Variants in PCDHGB4 observed in about 807,000 individuals in gnomAD.
The protein encoded by PCDHGB4 is protocadherin gamma subfamily B, 4, also known as protocadherin gamma-B4.
A neutral mutation model predicts 60.5 loss-of-function variants in PCDHGB4; 38 were observed. The ratio of observed to expected loss-of-function variants is 0.63; its 90% CI spans 0.48 to 0.82. The LOEUF (loss-of-function observed/expected upper bound fraction) is 0.82. Among genes scored for constraint, PCDHGB4 ranks in the 40% least tolerant of loss-of-function variants. The pLI is 0.00. For synonymous variants in PCDHGB4, 456 were observed against 509.7 expected, an observed-to-expected ratio of 0.89 and a Z score of 1.42; for missense variants, 1,109 against 1,209.6, an observed-to-expected ratio of 0.92 and a Z score of 1.23.
chr5:141,404,934 C>G, intron 1 of PCDHGB4: 1 of 1,613,986 alleles, frequency 6.2e-7, no homozygotes. Context: ...GTCACGCTCA[C>G]AGTAGCCATA....
intron 1 of PCDHGB4, chr5:141,393,809 A>G (rs566306926): frequency 1.9e-6 from 3 of 1,613,982 alleles, no homozygotes; most frequent in African/African-American, 1.3e-5. Context: ...GGAGGACCAA[A>G]TTGCTCATTT....
At chr5:141,428,187 C>G in intron 1 of PCDHGB4, 3 of 1,439,502 alleles carry the variant, frequency 2.1e-6, no homozygotes, top group South Asian at 1.2e-5. Flanking sequence ...GGACAGCCGC[C>G]GCTCTCTGCG....
At chr5:141,427,693 C>G in intron 1 of PCDHGB4, 1 of 909,726 alleles carries the variant, frequency 1.1e-6, no homozygotes, top group Non-Finnish European at 1.8e-6. Flanking sequence ...GCCTCCATCC[C>G]ACAAGTCAGC....
intron 2 of PCDHGB4, among the ~76,000 whole-genome samples, chr5:141,502,048 ACTTTATTCC>A (rs1055762924): frequency 6.6e-5 from 10 of 151,746 alleles, no homozygotes; most frequent in African/African-American, 2.4e-4. Context: ...TGCTCTCCCT[ACTTTATTCC>A]CATTAGCCCC....
intron 1 of PCDHGB4, chr5:141,426,835 C>G (rs1038394702): frequency 6.6e-6 from 3 of 456,576 alleles, no homozygotes; most frequent in Non-Finnish European, 1.3e-5. Flanking sequence ...ATGGACAAGA[C>G]TAAAGGCAAG....
intron 1 of PCDHGB4, chr5:141,393,188 T>C: frequency 6.2e-7 from 1 of 1,613,358 alleles, no homozygotes; most frequent in South Asian, 1.1e-5. Context: ...AAATAATTGA[T>C]ATTAACGATA....
intron 1 of PCDHGB4, chr5:141,417,639 C>G: frequency 1.3e-6 from 1 of 745,670 alleles, no homozygotes; most frequent in Non-Finnish European, 2.1e-6. Flanking sequence ...CGCCGGGGAT[C>G]CCTCAGCCTC....
In PCDHGB4 at chr5:141,489,576, C is replaced by T; in HGVS notation, c.2398-5231C>T. 1.9e-6 allele frequency: 3 copies of T among 1,614,054 alleles called. No individual in the cohort carries two copies. Among genetic ancestry groups the T allele is most frequent in the Non-Finnish European group, 2.5e-6 (3 of 1,179,976 alleles). Reference sequence around the variant, plus strand: ...TGCCAGTGCAGGTGGTGACTGAACACCCCCTGGAGCTAATCCGTGTAGAGG... The same window carrying T: ...TGCCAGTGCAGGTGGTGACTGAACATCCCCTGGAGCTAATCCGTGTAGAGG... On this transcript the variant is annotated intron_variant, in intron 1 of 3. Coordinates refer to ENST00000519479, the MANE Select transcript of PCDHGB4 (RefSeq NM_003736.4). This position sits in a 1 kb window ranked among gnomAD's most constrained non-coding sequence, Gnocchi z 4.5.
At chr5:141,449,723 GA>G (rs1432635918) in intron 1 of PCDHGB4, among the ~76,000 whole-genome samples, 2 of 150,880 alleles carry the variant, frequency 1.3e-5, no homozygotes, top group Admixed American at 6.6e-5. Flanking sequence ...TATATGATAT[GA>G]TTTTTTTATG....
chr5:141,426,491 G>A, intron 1 of PCDHGB4: 1 of 336,822 alleles, frequency 3.0e-6, no homozygotes, highest in South Asian at 2.4e-5. Flanking sequence ...CTTAGAGTTA[G>A]TGCAGAGAAA....
rs558972594 is a variant in PCDHGB4 at position 141,485,292 on chromosome 5, A to G, written c.2398-9515A>G. ...CGCTACCCGGTCCCAGAGGAGTCAC[A>G]GGAAGGGACTTTTGTAGGGAATGTC... On this transcript the variant is annotated intron_variant, in intron 1 of 3. Coordinates refer to ENST00000519479, the MANE Select transcript of PCDHGB4 (RefSeq NM_003736.4). The surrounding 1 kb of genome is among the most constrained non-coding windows in gnomAD (Gnocchi z 5.7). 1 of 1,614,120 alleles carries G rather than the reference A, an allele frequency of 6.2e-7. No individual in the cohort carries two copies. Among genetic ancestry groups the G allele is most frequent in the African/African-American group, 1.3e-5 (1 of 75,058 alleles).
chr5:141,439,390 C>T (rs528547728), intron 1 of PCDHGB4, among the ~76,000 whole-genome samples: 1 of 152,266 alleles, frequency 6.6e-6, no homozygotes, highest in South Asian at 2.1e-4. Flanking sequence ...GTCATCACTT[C>T]GACTTCATGT....
At chr5:141,483,385 G>C (rs1166547027) in intron 1 of PCDHGB4, among the ~76,000 whole-genome samples, 1 of 152,160 alleles carries the variant, frequency 6.6e-6, no homozygotes, top group Non-Finnish European at 1.5e-5. Context: ...AGAGAAGATT[G>C]ATAAATGCTT....
chr5:141,471,630 G>T (rs2099261496), intron 1 of PCDHGB4: 1 of 152,108 alleles, frequency 6.6e-6, no homozygotes, highest in African/African-American at 2.4e-5. Context: ...GCATTGGTAT[G>T]GATTAGTAAT....
At chr5:141,427,845 G>C in intron 1 of PCDHGB4, 1 of 1,550,582 alleles carries the variant, frequency 6.4e-7, no homozygotes, top group Non-Finnish European at 8.8e-7. Context: ...CTTCGACCAC[G>C]AGCAGCTGTG....
chr5:141,407,599 AAAG>A (rs1328416590), intron 1 of PCDHGB4, among the ~76,000 whole-genome samples: 13 of 152,198 alleles, frequency 8.5e-5, no homozygotes, highest in Admixed American at 2.0e-4. Flanking sequence ...CTCATCTTAA[AAAG>A]AAGCATTGGT....
intron 1 of PCDHGB4, chr5:141,423,496 G>A (rs1049120602): frequency 1.2e-6 from 2 of 1,613,804 alleles, no homozygotes; most frequent in African/African-American, 1.3e-5. Flanking sequence ...CTATTCCCAC[G>A]AGGTCTCTCT....
Position 141,431,199 on chromosome 5 carries a change from C to T in PCDHGB4, c.2397+40918C>T. 1 of 1,614,194 alleles carries T rather than the reference C, an allele frequency of 6.2e-7. No homozygotes were observed. Among genetic ancestry groups the T allele is most frequent in the East Asian group, 2.2e-5 (1 of 44,890 alleles). ...GAAATAAAAATTAGTGAAAATGCAG[C>T]CACTGAGATGCGGTTCCCTCTACCC... On this transcript the variant is annotated intron_variant, in intron 1 of 3. Transcript: ENST00000519479. This position sits in a 1 kb window ranked among gnomAD's most constrained non-coding sequence, Gnocchi z 4.8.
intron 1 of PCDHGB4, among the ~76,000 whole-genome samples, chr5:141,483,834 A>G (rs2154580001): frequency 6.6e-6 from 1 of 152,212 alleles, no homozygotes; most frequent in South Asian, 2.1e-4. Flanking sequence ...CTAGGTAAGG[A>G]CTTGGTTGAA....
Sources: gnomAD v4.1 joint callset for allele counts (sites outside exome capture counted in the v4.1 genomes callset) on GRCh38, gnomAD v4.1.1 for gene constraint, Gnocchi (gnomAD v3.1) non-coding constraint, MANE v1.5 for transcripts, NCBI Gene and HGNC (gene_info 2026-07-23, HGNC 2026-07-21) for gene names.